Variants in FBXO17 observed in about 807,000 individuals in gnomAD.
FBXO17 encodes the protein F-box protein 17, also known as F-box only protein 17.
FBXO17 carries 43 observed loss-of-function variants against 34.1 expected under a neutral mutation model. The observed-to-expected ratio is 1.26, with a 90% CI of 0.99 to 1.62. The LOEUF (loss-of-function observed/expected upper bound fraction) is 1.62. Ranked by LOEUF, FBXO17 falls within the 40% of genes most tolerant of loss-of-function variation. The pLI is 0.00. For synonymous variants in FBXO17, 169 were observed against 166.0 expected, an observed-to-expected ratio of 1.02 and a Z score of -0.14; for missense variants, 424 against 386.7, an observed-to-expected ratio of 1.10 and a Z score of -0.81.
At chr19:38,956,267 A>AG (rs1275783933) in intron 1 of FBXO17, among the ~76,000 whole-genome samples, 1 of 147,296 alleles carries the variant, frequency 6.8e-6, no homozygotes, top group Admixed American at 6.8e-5. Context: ...CTCTGTCTCA[A>AG]AAAAAAAAAA....
rs756859981 is a variant in FBXO17, at chr19:38,948,599, AG to A, written c.428del (p.Ala143ValfsTer8). ...IEKNLTPVPGAPSQTCFVTSF... is the reference protein window; with the variant it reads ...IEKNLTPVPGXPSQTCFVTSF... ...AGGTCACGAAGCAGGTCTGCGAAGG[AG>A]CCCCAGGCACCGGTGTTAGGTTCTT... On this transcript the variant is annotated frameshift_variant, in exon 3 of 6. Transcript: ENST00000292852. LOFTEE classifies it high-confidence loss of function. The A allele has an allele frequency of 1.4e-5, 23 of 1,613,974 alleles. No homozygotes were observed. The South Asian group carries it at 2.3e-4, about 16-fold the overall frequency.
chr19:38,949,226 C>T (rs778824461), intron 2 of FBXO17, among the ~76,000 whole-genome samples: 1 of 152,100 alleles, frequency 6.6e-6, no homozygotes, highest in East Asian at 1.9e-4. Context: ...CTCAGCCTCC[C>T]AAGTAGCTGG....
chr19:38,959,261 GTCTT>G (rs944748441), intron 1 of FBXO17, among the ~76,000 whole-genome samples: 57 of 128,688 alleles, frequency 4.4e-4, no homozygotes, highest in Non-Finnish European at 6.2e-4. Context: ...GCCTCTGCCT[GTCTT>G]TCTTTCTTTC....
At chr19:38,957,415 C>T (rs554752262) in intron 1 of FBXO17, among the ~76,000 whole-genome samples, 4 of 151,906 alleles carry the variant, frequency 2.6e-5, no homozygotes, top group South Asian at 2.1e-4. Flanking sequence ...TGCATGATCT[C>T]GGCTCACTGC....
intron 2 of FBXO17, among the ~76,000 whole-genome samples, chr19:38,949,609 C>T (rs939616585): frequency 1.3e-5 from 2 of 152,004 alleles, no homozygotes; most frequent in African/African-American, 2.4e-5. Flanking sequence ...CTCACTGCAG[C>T]CTTGAACTCC....
intron 2 of FBXO17, among the ~76,000 whole-genome samples, chr19:38,949,088 C>G (rs1409122217): frequency 6.6e-6 from 1 of 151,988 alleles, no homozygotes; most frequent in Non-Finnish European, 1.5e-5. Flanking sequence ...TGCCACCACG[C>G]CTGGCTAATT....
Position 38,945,093 on chromosome 19 carries a change from C to A in FBXO17, c.569G>T (p.Arg190Leu). The A allele has an allele frequency of 1.9e-6, 3 of 1,614,104 alleles. No homozygotes were observed. Among genetic ancestry groups the A allele is most frequent in the Non-Finnish European group, 2.5e-6 (3 of 1,180,012 alleles). ...CTGGTAGACGCAGCCGCAGTTCTCT[C>A]GAGCGCCCCACCTGCCAGGCAGCAG... ...EICVADWWGA[R>L]ENCGCVYQLR... The change falls in exon 5 of 6, where the codon CGA becomes CTA. Residue 190 changes from arginine (R) to leucine (L), a missense_variant. Physicochemically the swap from Arg to Leu is moderately radical, Grantham distance 102 (BLOSUM62 -2). Transcript: ENST00000292852.
intron 4 of FBXO17, 28 bp downstream of exon 4, chr19:38,946,444 C>T: frequency 3.7e-6 from 6 of 1,613,522 alleles, no homozygotes; most frequent in Non-Finnish European, 5.1e-6. Context: ...TGCTGCTGCT[C>T]TGGGGCAGGG....
Position 38,942,570 on chromosome 19 carries a change from C to A in FBXO17, c.*38G>T. ...TGAGCCACTGCACCTGGCTGCAAGG[C>A]TGGTCTTGACTGACAACGTCAGGCA... On this transcript the variant is annotated 3_prime_UTR_variant, in exon 6 of 6. Transcript: ENST00000292852. 6.7e-7 allele frequency: 1 copy of A among 1,499,832 alleles called. No homozygotes were observed. Among genetic ancestry groups the A allele is most frequent in the Non-Finnish European group, 8.9e-7 (1 of 1,128,296 alleles). The allele number at this position is 1,499,832 out of a possible 1,614,324, so 92.9% of individuals were successfully genotyped here.
At chr19:38,948,472 G>C in intron 3 of FBXO17, 95 bp downstream of exon 3, 2 of 839,616 alleles carry the variant, frequency 2.4e-6, no homozygotes, top group Non-Finnish European at 1.9e-6. Context: ...GGGAAGGAGA[G>C]GGTGAAGGTG....
intron 1 of FBXO17, among the ~76,000 whole-genome samples, chr19:38,961,804 A>T (rs2144834676): frequency 6.6e-6 from 1 of 151,992 alleles, no homozygotes; most frequent in Non-Finnish European, 1.5e-5. Flanking sequence ...CTGGGATTAC[A>T]GGTGCGCACC....
chr19:38,974,450 G>C (rs552666551), intron 1 of FBXO17, among the ~76,000 whole-genome samples: 2 of 152,128 alleles, frequency 1.3e-5, no homozygotes, highest in African/African-American at 4.8e-5. Flanking sequence ...CAGATACTAG[G>C]TATATTTAAT....
intron 1 of FBXO17, among the ~76,000 whole-genome samples, chr19:38,972,247 CA>C (rs890016663): frequency 4.7e-5 from 7 of 147,880 alleles, no homozygotes; most frequent in African/African-American, 7.9e-5. Flanking sequence ...AAAAAACAAA[CA>C]AAAAAACTAG....
chr19:38,950,164 TA>T lies in FBXO17; in HGVS notation c.155del (p.Ile52LysfsTer82). The part of the protein sequence containing the change: ...CRPVCRAWRD[I>X]VDGPTVWLLQ... ...GCAGCCACACAGTGGGCCCGTCCACTATGTCGCGCCAGGCGCGGCACACTGG... is the reference window on the plus strand; with the variant it reads ...GCAGCCACACAGTGGGCCCGTCCACTTGTCGCGCCAGGCGCGGCACACTGG... On this transcript the variant is annotated frameshift_variant, in exon 2 of 6. Coordinates refer to ENST00000292852, the MANE Select transcript of FBXO17 (RefSeq NM_024907.7). LOFTEE classifies it high-confidence loss of function. 1 of 1,561,020 alleles carries T rather than the reference TA, an allele frequency of 6.4e-7. No homozygotes were observed. Among genetic ancestry groups the T allele is most frequent in the Non-Finnish European group, 8.6e-7 (1 of 1,159,150 alleles).
In FBXO17 at chr19:38,942,706, AT is replaced by A. The variant is rs763834117; in HGVS notation, c.738del (p.Ser247LeufsTer9). On this transcript the variant is annotated frameshift_variant, in exon 6 of 6. Coordinates refer to ENST00000292852, the MANE Select transcript of FBXO17 (RefSeq NM_024907.7). LOFTEE classifies it high-confidence loss of function. ...ACGTCTCTCCCGTACTGCTCAAAAG[AT>A]ACGTAGCGGATGCCCTTGCCAAAGT... ...FTNFGKGIRY[V>X]SFEQYGRDVS... 6.2e-7 allele frequency: 1 copy of A among 1,606,064 alleles called. No homozygotes were observed. The highest frequency in any genetic ancestry group is 1.1e-5 in the South Asian group (1 of 89,730).
chr19:38,970,701 G>A (rs1029669729), intron 1 of FBXO17, among the ~76,000 whole-genome samples: 2 of 152,096 alleles, frequency 1.3e-5, no homozygotes, highest in African/African-American at 4.8e-5. Context: ...GAGAATGAAC[G>A]TGCATTTCAC....
chr19:38,956,220 C>G (rs144453546), intron 1 of FBXO17, among the ~76,000 whole-genome samples: 1 of 149,052 alleles, frequency 6.7e-6, no homozygotes, highest in Non-Finnish European at 1.5e-5. Flanking sequence ...GAGCTGAGAT[C>G]GTGCCTCTGC....
intron 1 of FBXO17, among the ~76,000 whole-genome samples, chr19:38,959,081 AT>A (rs369523614): frequency 6.3e-5 from 9 of 143,178 alleles, no homozygotes; most frequent in Middle Eastern, 3.7e-3. Context: ...TTTGTTTTAT[AT>A]TTTTTTTTTC....
At chr19:38,972,426 TC>T (rs1246366345) in intron 1 of FBXO17, among the ~76,000 whole-genome samples, 2 of 151,776 alleles carry the variant, frequency 1.3e-5, no homozygotes, top group African/African-American at 2.4e-5. Context: ...GCACCTGTAA[TC>T]CCAGCTACTC....
Sources: allele counts gnomAD v4.1 joint callset (sites outside exome capture counted in the v4.1 genomes callset), GRCh38; gene constraint gnomAD v4.1.1; transcripts MANE v1.5; gene names NCBI Gene and HGNC (gene_info 2026-07-23, HGNC 2026-07-21).